HAUS7: variants seen among roughly 807,000 people sequenced by gnomAD.
HAUS7 encodes the protein HAUS augmin like complex subunit 7.
A neutral mutation model predicts 28.4 loss-of-function variants in HAUS7; 3 were observed. That is an observed-to-expected ratio of 0.11 (90% CI 0.05 to 0.27). The LOEUF (loss-of-function observed/expected upper bound fraction) is 0.27, where lower values mean the gene tolerates loss of function less well. Ranked by LOEUF, HAUS7 falls within the 10% of genes least tolerant of loss-of-function variation. HAUS7 has a pLI of 1.00. For missense variants in HAUS7, 284 were observed against 297.3 expected, an observed-to-expected ratio of 0.96 and a Z score of 0.33; for synonymous variants, 165 against 132.1, an observed-to-expected ratio of 1.25 and a Z score of -1.71.
intron 1 of HAUS7, among the ~76,000 whole-genome samples, chrX:153,491,207 G>A (rs1208742298): frequency 4.5e-5 from 5 of 111,651 alleles, no homozygotes; most frequent in Non-Finnish European, 7.5e-5. Context: ...CTCTGTAGGG[G>A]ACCCCTGCAT....
intron 1 of HAUS7, chrX:153,482,337 G>A (rs984571915): frequency 9.3e-6 from 7 of 755,352 alleles, no homozygotes; most frequent in African/African-American, 9.2e-5. Flanking sequence ...AATCTGATGC[G>A]GCTGAAGCGG....
chrX:153,466,517 G>A (rs2089456782), intron 2 of HAUS7, among the ~76,000 whole-genome samples: 2 of 112,162 alleles, frequency 1.8e-5, no homozygotes, highest in Admixed American at 1.9e-4. Flanking sequence ...ACCAACACTA[G>A]GTGCAGCTTC....
chrX:153,469,023 AG>A, intron 2 of HAUS7, 122 bp downstream of exon 2: 1 of 492,904 alleles, frequency 2.0e-6, no homozygotes, highest in Non-Finnish European at 3.6e-6. Context: ...GGTCCAGGCT[AG>A]GGGGTGGAGC....
chrX:153,461,388 C>G (rs1469011471), intron 4 of HAUS7, among the ~76,000 whole-genome samples: 1 of 110,278 alleles, frequency 9.1e-6, no homozygotes, highest in Non-Finnish European at 1.9e-5. Context: ...GGTGTCGTGT[C>G]CATGGCGGGA....
intron 1 of HAUS7, among the ~76,000 whole-genome samples, chrX:153,485,167 G>A (rs1343545488): frequency 8.9e-6 from 1 of 111,765 alleles, no homozygotes; most frequent in African/African-American, 3.3e-5. Context: ...GACAGCGAGG[G>A]CTGGGTGACC....
intron 9 of HAUS7, among the ~76,000 whole-genome samples, chrX:153,451,292 CTG>C (rs2089236359): frequency 8.9e-6 from 1 of 112,775 alleles, no homozygotes; most frequent in African/African-American, 3.2e-5. Context: ...AGATGGCACA[CTG>C]TTGCGAATAC....
chrX:153,458,667 C>T (rs1216972421), intron 4 of HAUS7, among the ~76,000 whole-genome samples: 4 of 111,987 alleles, frequency 3.6e-5, no homozygotes, highest in Admixed American at 9.5e-5. Context: ...TCAGGAACTG[C>T]CAGACTTTTC....
rs983230952 is a variant in HAUS7 at position 153,470,348 on chromosome X, T to C, written c.108+102A>G. The C allele has an allele frequency of 7.0e-5, 59 of 846,548 alleles. No individual in the cohort carries two copies. The Middle Eastern group carries it at 2.2e-3, about 31-fold the overall frequency. 69.8% of individuals were successfully genotyped at this position (846,548 alleles called of 1,213,427 possible). Reference sequence around the variant, plus strand: ...AGGGCGCAGCCGGAACCGGCGACGGTGGCCGCGTGGCGCCGCGGACTTCCG... The same window carrying C: ...AGGGCGCAGCCGGAACCGGCGACGGCGGCCGCGTGGCGCCGCGGACTTCCG... On this transcript the variant is annotated intron_variant, in intron 1 of 9. Coordinates refer to ENST00000370211, the MANE Select transcript of HAUS7 (RefSeq NM_001385482.1).
At chrX:153,470,761 T>G, upstream of HAUS7, 16 of 515,514 alleles carry the variant, frequency 3.1e-5, no homozygotes, top group South Asian at 4.4e-4. Flanking sequence ...AGGACCACAG[T>G]GAAGCGGGCA....
intron 1 of HAUS7, among the ~76,000 whole-genome samples, chrX:153,478,039 C>A (rs1276044958): frequency 1.8e-5 from 2 of 112,711 alleles, no homozygotes; most frequent in African/African-American, 6.5e-5. Flanking sequence ...CCACTGCTTC[C>A]CTTCTCCCCT....
At chrX:153,491,447 C>A (rs1235472482) in intron 1 of HAUS7, among the ~76,000 whole-genome samples, 1 of 112,802 alleles carries the variant, frequency 8.9e-6, no homozygotes, top group African/African-American at 3.2e-5. Context: ...CCCACACTGG[C>A]CAAGGAGATG....
At chrX:153,481,868 G>T (rs1353303716) in intron 1 of HAUS7, 13 of 754,063 alleles carry the variant, frequency 1.7e-5, no homozygotes, top group Non-Finnish European at 2.0e-5. Context: ...ACCTGGAGTG[G>T]CTGGATCTCA....
At chrX:153,449,891 C>A (rs1399055192) in intron 9 of HAUS7, among the ~76,000 whole-genome samples, 5 of 112,490 alleles carry the variant, frequency 4.4e-5, no homozygotes, top group African/African-American at 1.6e-4. Flanking sequence ...GAGATCCCAG[C>A]CTCACTTCGT....
At chrX:153,489,900 C>T (rs2089661170) in intron 1 of HAUS7, among the ~76,000 whole-genome samples, 1 of 112,986 alleles carries the variant, frequency 8.9e-6, no homozygotes, top group Non-Finnish European at 1.9e-5. Flanking sequence ...CTGTGCCACC[C>T]TCCACCCCCT....
At chrX:153,461,052 G>T (rs183595227) in intron 4 of HAUS7, among the ~76,000 whole-genome samples, 1 of 112,415 alleles carries the variant, frequency 8.9e-6, no homozygotes, top group East Asian at 2.8e-4. Flanking sequence ...ACACAGGGGG[G>T]ACCCGAAGAG....
intron 3 of HAUS7, among the ~76,000 whole-genome samples, chrX:153,464,001 C>T (rs782004820): frequency 8.9e-6 from 1 of 112,931 alleles, no homozygotes; most frequent in Non-Finnish European, 1.9e-5. Context: ...CTGCTGCACC[C>T]CAGCACCAGG....
intron 8 of HAUS7, chrX:153,454,828 G>A (rs782725556): frequency 1.0e-5 from 9 of 860,206 alleles, no homozygotes; most frequent in South Asian, 6.4e-5. Context: ...GGCAAGGGGG[G>A]AAAATAAATG....
At chrX:153,487,691 C>T (rs782100017) in intron 1 of HAUS7, among the ~76,000 whole-genome samples, 88 of 112,636 alleles carry the variant, frequency 7.8e-4, no homozygotes, top group African/African-American at 2.8e-3. Flanking sequence ...AAAGCCAAGC[C>T]CCGCCCTGAG....
In HAUS7 at chrX:153,456,323, G is replaced by A. The variant is rs1556982161; in HGVS notation, c.647C>T (p.Ala216Val). 2.1e-5 allele frequency: 25 copies of A among 1,209,805 alleles called. No homozygotes were observed. Among genetic ancestry groups the A allele is most frequent in the Non-Finnish European group, 2.5e-5 (22 of 894,678 alleles). Residue 216 changes from alanine (A) to valine (V), a missense_variant, in exon 7 of 10, where the codon GCG (alanine) becomes GTG (valine). Physicochemically the swap from Ala to Val is moderately conservative, Grantham distance 64. Transcript: ENST00000370211. Reference sequence around the variant, plus strand: ...CTCCTGCAGCTGCCTGGCAAGCTCCGCCAGCTTCTCCTCCTCCTCGGACTT... The same window carrying A: ...CTCCTGCAGCTGCCTGGCAAGCTCCACCAGCTTCTCCTCCTCCTCGGACTT... ...SAKSEEEEKL[A>V]ELARQLQESA...
Sources: gnomAD v4.1 joint callset for allele counts (sites outside exome capture counted in the v4.1 genomes callset) on GRCh38, gnomAD v4.1.1 for gene constraint, MANE v1.5 for transcripts, NCBI Gene and HGNC (gene_info 2026-07-23, HGNC 2026-07-21) for gene names.